The following PEAK1 variants were observed in gnomAD, a reference collection of about 807,000 sequenced individuals.
The protein encoded by PEAK1 is inactive tyrosine-protein kinase PEAK1.
In PEAK1, 54 loss-of-function variants were observed where a neutral mutation model predicts 124.7. The observed-to-expected ratio is 0.43, with a 90% CI of 0.35 to 0.54. The LOEUF is 0.54. Ranked by LOEUF, PEAK1 falls within the 20% of genes least tolerant of loss-of-function variation. The probability of loss-of-function intolerance (pLI) is 0.01; values close to 1 mark genes in which losing one functional copy is unlikely to be tolerated. For missense variants in PEAK1, 2,046 were observed against 2,134.5 expected (o/e 0.96, Z 0.82); for synonymous variants, 719 against 760.0 (o/e 0.95, Z 0.89).
downstream of PEAK1, chr15:77,107,055 C>G (rs12904088): frequency 0.66 from 100,514 of 152,144 alleles, 33,960 homozygotes; most frequent in Non-Finnish European, 0.75. Context: ...CTGGCACACA[C>G]GGTGACCACT....
chr15:77,213,948 C>G (rs2059024661), intron 6 of PEAK1, among the ~76,000 whole-genome samples: 1 of 152,174 alleles, frequency 6.6e-6, no homozygotes, highest in African/African-American at 2.4e-5. Flanking sequence ...TCCCTAACTC[C>G]TGGCCTCAAT....
intron 2 of PEAK1, among the ~76,000 whole-genome samples, chr15:77,300,157 T>C (rs1220490376): frequency 6.6e-6 from 1 of 152,126 alleles, no homozygotes; most frequent in Non-Finnish European, 1.5e-5. Context: ...TCTTAAAACT[T>C]TTAGACTGAA....
intron 5 of PEAK1, among the ~76,000 whole-genome samples, chr15:77,275,446 G>C (rs1336070476): frequency 1.3e-5 from 2 of 152,146 alleles, no homozygotes; most frequent in Non-Finnish European, 2.9e-5. Flanking sequence ...GGCTGGGCAT[G>C]GTGGCTCATG....
intron 1 of PEAK1, among the ~76,000 whole-genome samples, chr15:77,397,523 T>C (rs747783310): frequency 6.7e-6 from 1 of 150,020 alleles, no homozygotes; most frequent in Non-Finnish European, 1.5e-5. Flanking sequence ...TTTCAAAACA[T>C]AAAATTGACA....
At chr15:77,245,040 A>T (rs570849137) in intron 6 of PEAK1, among the ~76,000 whole-genome samples, 1,680 of 152,210 alleles carry the variant, frequency 0.011, 38 homozygotes, top group African/African-American at 0.038. Context: ...AATTCCCCCT[A>T]CCACTTCAAT....
At chr15:77,264,717 C>T (rs1356461138) in intron 5 of PEAK1, among the ~76,000 whole-genome samples, 1 of 152,106 alleles carries the variant, frequency 6.6e-6, no homozygotes, top group African/African-American at 2.4e-5. Flanking sequence ...CCCCATCAAG[C>T]TACCAATGAC....
At chr15:77,235,251 TG>T (rs1258698408) in intron 6 of PEAK1, among the ~76,000 whole-genome samples, 1 of 151,922 alleles carries the variant, frequency 6.6e-6, no homozygotes, top group Non-Finnish European at 1.5e-5. Flanking sequence ...GAAGTGACTT[TG>T]GAACTGGGTA....
chr15:77,343,911 A>G (rs2066706182), intron 2 of PEAK1, among the ~76,000 whole-genome samples: 1 of 152,088 alleles, frequency 6.6e-6, no homozygotes, highest in Non-Finnish European at 1.5e-5. Flanking sequence ...GTCTTTGATC[A>G]ATGTTGGGTT....
intron 5 of PEAK1, among the ~76,000 whole-genome samples, chr15:77,253,900 C>T (rs891139247): frequency 6.6e-6 from 1 of 152,184 alleles, no homozygotes; most frequent in Non-Finnish European, 1.5e-5. Context: ...CTCACTGCAA[C>T]ATCCACCCTC....
chr15:77,138,689 G>A (rs1325749589), intron 8 of PEAK1, among the ~76,000 whole-genome samples: 3 of 151,998 alleles, frequency 2.0e-5, no homozygotes, highest in East Asian at 3.9e-4. Context: ...CATGGAAACC[G>A]TGTCTGTACT....
At chr15:77,313,688 GTGTGTA>G (rs1420755330) in intron 2 of PEAK1, among the ~76,000 whole-genome samples, 104 of 120,344 alleles carry the variant, frequency 8.6e-4, no homozygotes, top group East Asian at 2.1e-3. Flanking sequence ...GTGTGTGTGT[GTGTGTA>G]TATATATATA....
chr15:77,349,903 T>C (rs965134490), intron 2 of PEAK1: 14 of 984,800 alleles, frequency 1.4e-5, no homozygotes, highest in Middle Eastern at 1.0e-3. Context: ...CAGACACATT[T>C]ACAATACATG....
intron 9 of PEAK1, among the ~76,000 whole-genome samples, chr15:77,127,318 GT>G (rs1381022780): frequency 2.5e-4 from 38 of 152,278 alleles, no homozygotes; most frequent in Non-Finnish European, 7.3e-5. Flanking sequence ...ATGGTATTTT[GT>G]TATGGCAGCC....
Position 77,279,310 on chromosome 15 carries a change from A to G in PEAK1, c.-275+4573T>C, listed in dbSNP as rs1262323776. ...GGAGGAGGGATTCCCTGACTTAGAT[A>G]CACAGGGCCTCCTTGGCACAAAAGC... On this transcript the variant is annotated intron_variant, in intron 5 of 9. Transcript: ENST00000682557. Among the ~76,000 whole-genome samples, 3 of 152,090 alleles carry G rather than the reference A, an allele frequency of 2.0e-5. No individual in the cohort carries two copies. In the East Asian group the frequency reaches 5.8e-4, roughly 29 times the overall value.
At chr15:77,243,316 TAC>T (rs1332869332) in intron 6 of PEAK1, among the ~76,000 whole-genome samples, 13 of 152,210 alleles carry the variant, frequency 8.5e-5, no homozygotes, top group Non-Finnish European at 1.5e-5. Context: ...ATTTGACAAA[TAC>T]AGAGATATCA....
chr15:77,114,005 T>C lies in PEAK1; in HGVS notation c.*151A>G, dbSNP rs556464757. 7 of 782,146 alleles carry C rather than the reference T, an allele frequency of 8.9e-6. No homozygotes were observed. In the Admixed American group the frequency reaches 1.6e-4, roughly 18 times the overall value. 48.5% of individuals were successfully genotyped at this position (782,146 alleles called of 1,614,324 possible). A position where few individuals can be genotyped will look rare whatever the true frequency, so the allele number is the denominator to read the frequency against. The stretch of plus-strand genomic sequence containing the variant: ...TTCTCATTCAATCTGGGGCAGTGGA[T>C]AACCTTTCTGAATAGACCCACTTGT... On this transcript the variant is annotated 3_prime_UTR_variant, in exon 10 of 10. Coordinates refer to ENST00000682557, the MANE Select transcript of PEAK1 (RefSeq NM_001385026.1).
Position 77,313,742 on chromosome 15 carries a change from T to TATATA in PEAK1, c.-602-27239_-602-27238insTATAT, listed in dbSNP as rs760524195. ...TGTGTGTGTGTATATATATATATATTTATTTATTTATTTATTTTTAGTAGA... is the reference window on the plus strand; with the variant it reads ...TGTGTGTGTGTATATATATATATATTATATATATTTATTTATTTATTTTTAGTAGA... On this transcript the variant is annotated intron_variant, in intron 2 of 9. Coordinates refer to ENST00000682557, the MANE Select transcript of PEAK1 (RefSeq NM_001385026.1). 6.6e-3 allele frequency among the ~76,000 whole-genome samples: 742 copies of TATATA among 113,262 alleles called. 10 individuals are homozygous for TATATA. Among genetic ancestry groups the TATATA allele is most frequent in the Non-Finnish European group, 9.1e-3 (503 of 55,314 alleles). The allele number at this position is 113,262 out of a possible 152,430, so 74.3% of individuals were successfully genotyped here.
In PEAK1 at chr15:77,116,701, A is replaced by AATCTATCT. The variant is rs34607835; in HGVS notation, c.4078-1390_4078-1383dup. Among the ~76,000 whole-genome samples, 574 of 145,852 alleles carry AATCTATCT rather than the reference A, an allele frequency of 3.9e-3. 2 individuals carry two copies. Among genetic ancestry groups the AATCTATCT allele is most frequent in the East Asian group, 5.7e-3 (28 of 4,944 alleles). On this transcript the variant is annotated intron_variant, in intron 9 of 9. Transcript: ENST00000682557. ...GTGATCAGTGCCATGGAAATCAATC[A>AATCTATCT]ATCTATCTATCTATCTATCTATCTA...
chr15:77,264,860 C>T (rs2061634171), intron 5 of PEAK1, among the ~76,000 whole-genome samples: 1 of 151,628 alleles, frequency 6.6e-6, no homozygotes, highest in African/African-American at 2.4e-5. Context: ...AACTATACTA[C>T]AAGGCTACAG....
Sources: gnomAD v4.1 joint callset for allele counts (sites outside exome capture counted in the v4.1 genomes callset) on GRCh38, gnomAD v4.1.1 for gene constraint, MANE v1.5 for transcripts, NCBI Gene and HGNC (gene_info 2026-07-23, HGNC 2026-07-21) for gene names.